Variants in TEX48 observed in about 807,000 individuals in gnomAD.
The protein encoded by TEX48 is testis expressed 48, also known as testis-expressed protein 48.
Under a neutral mutation model 13.2 loss-of-function variants are expected in TEX48, and 10 were observed. The observed-to-expected ratio is 0.75, with a 90% CI of 0.47 to 1.28. TEX48 has a LOEUF of 1.28. Among genes scored for constraint, TEX48 ranks in the 50% most tolerant of loss-of-function variants. The pLI, the probability that TEX48 is intolerant of heterozygous loss-of-function variation, is 0.00. For missense variants in TEX48, 116 were observed against 139.4 expected (o/e 0.83, Z 0.84); for synonymous variants, 45 against 52.3 (o/e 0.86, Z 0.60).
At chr9:114,669,917 AT>A (rs1230903535) in intron 3 of TEX48, among the ~76,000 whole-genome samples, 4 of 152,222 alleles carry the variant, frequency 2.6e-5, no homozygotes, top group African/African-American at 9.6e-5. Flanking sequence ...ACATTGTTGT[AT>A]ATGAGACTTT....
chr9:114,674,141 A>G (rs1165935666), intron 1 of TEX48, among the ~76,000 whole-genome samples: 2 of 152,104 alleles, frequency 1.3e-5, no homozygotes, highest in Non-Finnish European at 2.9e-5. Context: ...TCCAAAATTC[A>G]GTGGTTTTGC....
intron 4 of TEX48, among the ~76,000 whole-genome samples, chr9:114,667,800 G>A (rs1827869119): frequency 6.8e-6 from 1 of 147,796 alleles, no homozygotes; most frequent in Non-Finnish European, 1.5e-5. Context: ...TCAGGAAGCT[G>A]AGACAGGAGA....
chr9:114,669,429 C>T (rs1269178600), intron 3 of TEX48, among the ~76,000 whole-genome samples: 1 of 151,796 alleles, frequency 6.6e-6, no homozygotes, highest in Non-Finnish European at 1.5e-5. Context: ...CAGGTGTGCA[C>T]CACCATGGCT....
chr9:114,667,895 G>T (rs908473339), intron 4 of TEX48, among the ~76,000 whole-genome samples: 1 of 93,554 alleles, frequency 1.1e-5, no homozygotes, highest in Non-Finnish European at 1.8e-5. Context: ...AACAGAGGGA[G>T]ACTCCATCTC....
rs1413092151 is a variant in TEX48 at position 114,671,799 on chromosome 9, G to C, written c.-76C>G. ...TGTTGAATCAGCCAGTCTTGAGTTT[G>C]AGCCCAGTTCACTGGGCTGGGCTGT... is the stretch of plus-strand genomic sequence containing the variant. On this transcript the variant is annotated 5_prime_UTR_variant, in exon 2 of 5. Transcript: ENST00000436752. 6 of 1,502,102 alleles carry C rather than the reference G, an allele frequency of 4.0e-6. No individual in the cohort carries two copies. In the South Asian group the frequency reaches 7.2e-5, roughly 18 times the overall value. The allele number at this position is 1,502,102 out of a possible 1,614,324, so 93.0% of individuals were successfully genotyped here. A position where few individuals can be genotyped will look rare whatever the true frequency, so the allele number is the denominator to read the frequency against.
At chr9:114,667,276 A>C (rs1827857908) in intron 4 of TEX48, among the ~76,000 whole-genome samples, 2 of 152,198 alleles carry the variant, frequency 1.3e-5, no homozygotes, top group African/African-American at 4.8e-5. Context: ...GATAATCCTT[A>C]GTTCTCAACA....
intron 1 of TEX48, among the ~76,000 whole-genome samples, chr9:114,677,847 A>T (rs569670819): frequency 6.6e-6 from 1 of 152,162 alleles, no homozygotes; most frequent in South Asian, 2.1e-4. Context: ...CTTGGTCAAG[A>T]AATTCAAGAC....
rs546010637 is a variant in TEX48 at position 114,682,186 on chromosome 9, G to C, written c.-256C>G. The C allele has an allele frequency of 1.4e-3, 208 of 152,390 alleles. 1 individual carries two copies. The highest frequency in any genetic ancestry group is 1.8e-3 in the Non-Finnish European group (122 of 68,252). 9.4% of individuals were successfully genotyped at this position (152,390 alleles called of 1,614,324 possible). ...ACGATGCCATGCTGGCCACCAGACT[G>C]TATACTGGGGCACAAGTCCTGGGGC... On this transcript the variant is annotated 5_prime_UTR_variant, in exon 1 of 5. Transcript: ENST00000436752.
intron 4 of TEX48, among the ~76,000 whole-genome samples, chr9:114,667,454 C>T (rs1160022671): frequency 6.6e-6 from 1 of 152,180 alleles, no homozygotes; most frequent in Non-Finnish European, 1.5e-5. Context: ...ACACTCAATC[C>T]ACAAGTGTTT....
chr9:114,676,593 A>G (rs1266111319), intron 1 of TEX48, among the ~76,000 whole-genome samples: 2 of 151,206 alleles, frequency 1.3e-5, no homozygotes, highest in African/African-American at 2.4e-5. Flanking sequence ...ACAAATGTCC[A>G]TGGAAGCAGG....
chr9:114,673,828 C>CA (rs1827998034), intron 1 of TEX48, among the ~76,000 whole-genome samples: 1 of 148,362 alleles, frequency 6.7e-6, no homozygotes, highest in Non-Finnish European at 1.5e-5. Flanking sequence ...TTTTTTGAGA[C>CA]AGAGTTTTAC....
At chr9:114,678,550 T>C (rs1828120962) in intron 1 of TEX48, among the ~76,000 whole-genome samples, 1 of 152,180 alleles carries the variant, frequency 6.6e-6, no homozygotes, top group Non-Finnish European at 1.5e-5. Flanking sequence ...AATTAGTTCA[T>C]TTCGTTGTTG....
intron 3 of TEX48, among the ~76,000 whole-genome samples, chr9:114,668,706 T>C (rs1282518993): frequency 1.3e-5 from 2 of 152,228 alleles, no homozygotes; most frequent in Non-Finnish European, 2.9e-5. Context: ...TTAGGAAATA[T>C]TGAATAGTAT....
intron 1 of TEX48, among the ~76,000 whole-genome samples, chr9:114,672,615 C>T (rs1010496212): frequency 3.3e-5 from 5 of 152,192 alleles, no homozygotes; most frequent in Non-Finnish European, 7.3e-5. Flanking sequence ...CTGGCCTAAG[C>T]CACCATCATC....
chr9:114,670,446 C>A (rs1303633448), intron 3 of TEX48, among the ~76,000 whole-genome samples: 3 of 152,104 alleles, frequency 2.0e-5, no homozygotes, highest in African/African-American at 7.2e-5. Context: ...TCACCCCCTC[C>A]CACCTGTGTG....
chr9:114,670,752 T>G (rs1827932312), intron 3 of TEX48, among the ~76,000 whole-genome samples: 1 of 152,126 alleles, frequency 6.6e-6, no homozygotes, highest in African/African-American at 2.4e-5. Flanking sequence ...ACCATTGAGA[T>G]TTCAAGGCTT....
intron 1 of TEX48, among the ~76,000 whole-genome samples, chr9:114,675,739 C>T (rs1465491113): frequency 6.6e-6 from 1 of 152,236 alleles, no homozygotes; most frequent in African/African-American, 2.4e-5. Context: ...GCAGATCCAA[C>T]TCCTTTTGTG....
chr9:114,681,213 C>A (rs771220402), intron 1 of TEX48, among the ~76,000 whole-genome samples: 2 of 152,064 alleles, frequency 1.3e-5, no homozygotes, highest in South Asian at 4.2e-4. Context: ...TTATCAGCAG[C>A]GATCTGAAGC....
At chr9:114,669,627 G>A (rs1315694289) in intron 3 of TEX48, among the ~76,000 whole-genome samples, 2 of 152,126 alleles carry the variant, frequency 1.3e-5, no homozygotes, top group African/African-American at 4.8e-5. Context: ...TTTTAATAGA[G>A]ACGGGGTTTC....
Sources: gnomAD v4.1 joint callset for allele counts (sites outside exome capture counted in the v4.1 genomes callset) on GRCh38, gnomAD v4.1.1 for gene constraint, MANE v1.5 for transcripts, NCBI Gene and HGNC (gene_info 2026-07-23, HGNC 2026-07-21) for gene names.